PNRC2: variants seen among roughly 807,000 people sequenced by gnomAD.
PNRC2 encodes the protein proline-rich nuclear receptor coactivator 2.
Under a neutral mutation model 12.2 loss-of-function variants are expected in PNRC2, and 2 were observed. The ratio of observed to expected loss-of-function variants is 0.16; its 90% CI spans 0.07 to 0.52. PNRC2 has a LOEUF of 0.52. Ranked by LOEUF, PNRC2 falls within the 20% of genes least tolerant of loss-of-function variation. PNRC2 has a pLI of 0.95. For missense variants in PNRC2, 115 were observed against 158.4 expected (o/e 0.73, Z 1.47); for synonymous variants, 44 against 53.9 (o/e 0.82, Z 0.80).
upstream of PNRC2, among the ~76,000 whole-genome samples, chr1:23,959,522 G>A (rs1641236438): frequency 6.6e-6 from 1 of 151,986 alleles, no homozygotes. Context: ...GCGAGCCCGC[G>A]CGCACGAGAG....
chr1:23,960,366 C>T (rs1221211276), intron 1 of PNRC2, among the ~76,000 whole-genome samples: 1 of 152,210 alleles, frequency 6.6e-6, no homozygotes, highest in African/African-American at 2.4e-5. Flanking sequence ...GAAAGTTAAG[C>T]TGTTCCCTCT....
At chr1:23,959,231 C>G (rs1039740545), upstream of PNRC2, 3 of 152,220 alleles carry the variant, frequency 2.0e-5, no homozygotes, top group Non-Finnish European at 4.4e-5. Context: ...GTGTCTGAAC[C>G]GCCTTCACAG....
intron 2 of PNRC2, 129 bp from the exon 3 acceptor site, chr1:23,961,311 C>CTA: frequency 1.6e-6 from 1 of 606,296 alleles, no homozygotes; most frequent in Non-Finnish European, 2.7e-6. Context: ...TTTAAAGCAG[C>CTA]TGAATAGCCT....
chr1:23,960,395 A>G (rs9424346), intron 1 of PNRC2, among the ~76,000 whole-genome samples: 62,859 of 152,098 alleles, frequency 0.41, 14,304 homozygotes, highest in East Asian at 0.56. Flanking sequence ...ATTTTTATAT[A>G]TTTAAGATGG....
chr1:23,960,065 A>C (rs987465734), intron 1 of PNRC2, 67 bp downstream of exon 1: 2 of 152,286 alleles, frequency 1.3e-5, no homozygotes, highest in African/African-American at 2.4e-5. Flanking sequence ...TGGAGGAAGG[A>C]GGCGAGCGGA....
rs1369792908 is a variant in PNRC2 at position 23,961,645 on chromosome 1, G to A, written c.188G>A (p.Gly63Glu). The A allele has an allele frequency of 1.2e-6, 2 of 1,613,764 alleles. No homozygotes were observed. The highest frequency in any genetic ancestry group is 2.2e-5 in the East Asian group (1 of 44,900). The change falls in exon 3 of 3, where the codon GGG (glycine) becomes GAG (glutamate). Residue 63 changes from glycine to glutamate, a missense_variant. By Grantham distance (98) the Gly-to-Glu change is moderately conservative (BLOSUM62 -2). Transcript: ENST00000334351. ...AAAWQAMQNG[G>E]KNKNFPNNQS... ...GCCTGGCAGGCCATGCAAAATGGGGGGAAGAACAAAAATTTTCCAAATAAT... is the reference window on the plus strand; with the variant it reads ...GCCTGGCAGGCCATGCAAAATGGGGAGAAGAACAAAAATTTTCCAAATAAT...
rs1213414377 is a variant in PNRC2 at position 23,962,138 on chromosome 1, T to C, written c.*261T>C. The stretch of plus-strand genomic sequence containing the variant: ...GGGAGTGGTAAAGGAATCAGCTTTT[T>C]CTATTGTTAGGGGAAGACAGTAATT... On this transcript the variant is annotated 3_prime_UTR_variant, in exon 3 of 3. Coordinates refer to ENST00000334351, the MANE Select transcript of PNRC2 (RefSeq NM_017761.4). 2.5e-5 allele frequency: 8 copies of C among 320,378 alleles called. No homozygotes were observed. The highest frequency in any genetic ancestry group is 1.4e-4 in the Admixed American group (3 of 21,830). 19.8% of individuals were successfully genotyped at this position (320,378 alleles called of 1,614,324 possible). A position where few individuals can be genotyped will look rare whatever the true frequency, so the allele number is the denominator to read the frequency against.
intron 1 of PNRC2, among the ~76,000 whole-genome samples, 175 bp downstream of exon 1, chr1:23,960,173 A>G (rs2148487263): frequency 6.6e-6 from 1 of 152,326 alleles, no homozygotes; most frequent in East Asian, 1.9e-4. Flanking sequence ...CTGGGAAGCC[A>G]AGCCCTTGTG....
rs1641277852 is a variant in PNRC2, at chr1:23,961,613, A to T, written c.156A>T (p.Ser52=). The change falls in exon 3 of 3, where the codon TCA becomes TCT. Residue 52 remains serine (S), a synonymous_variant. Transcript: ENST00000334351. ...AAAGAGGACATGGTTATAACTCATC[A>T]GCAGCTGCCTGGCAGGCCATGCAAA... The part of the protein sequence containing the change: ...KKERGHGYNS[S]AAAWQAMQNG... 10 of 1,613,874 alleles carry T rather than the reference A, an allele frequency of 6.2e-6. No individual in the cohort carries two copies. The East Asian group carries it at 2.2e-4, about 36-fold the overall frequency.
At position 23,961,622 on chromosome 1, in the gene PNRC2, C is replaced by A; in HGVS notation, c.165C>A (p.Ala55=). 1 of 1,613,880 alleles carries A rather than the reference C, an allele frequency of 6.2e-7. No individual in the cohort carries two copies. The highest frequency in any genetic ancestry group is 2.2e-5 in the East Asian group (1 of 44,882). ...RGHGYNSSAA[A]WQAMQNGGKN... ...ATGGTTATAACTCATCAGCAGCTGC[C>A]TGGCAGGCCATGCAAAATGGGGGGA... Residue 55 remains alanine, a synonymous_variant, in exon 3 of 3, where the codon GCC becomes GCA. Coordinates refer to ENST00000334351, the MANE Select transcript of PNRC2 (RefSeq NM_017761.4).
At chr1:23,960,327 C>A (rs1173868555) in intron 1 of PNRC2, among the ~76,000 whole-genome samples, 1 of 152,212 alleles carries the variant, frequency 6.6e-6, no homozygotes, top group Non-Finnish European at 1.5e-5. Context: ...AACTTATTTT[C>A]TTGGAACATC....
In PNRC2 at chr1:23,962,173, T is replaced by G. The variant is rs1162469945; in HGVS notation, c.*296T>G. The G allele has an allele frequency of 4.0e-6, 1 of 252,408 alleles. No individual in the cohort carries two copies. Among genetic ancestry groups the G allele is most frequent in the East Asian group, 9.0e-5 (1 of 11,138 alleles). 15.6% of individuals were successfully genotyped at this position (252,408 alleles called of 1,614,324 possible). ...GGGGAAGACAGTAATTTATCATTCA[T>G]GGACCAGTAGATTGTTGAAAGTTGG... On this transcript the variant is annotated 3_prime_UTR_variant, in exon 3 of 3. Coordinates refer to ENST00000334351, the MANE Select transcript of PNRC2 (RefSeq NM_017761.4).
At position 23,961,898 on chromosome 1, in the gene PNRC2, T is replaced by G. The variant is rs1641285432; in HGVS notation, c.*21T>G. The G allele has an allele frequency of 6.8e-7, 1 of 1,460,320 alleles. No individual in the cohort carries two copies. Among genetic ancestry groups the G allele is most frequent in the Non-Finnish European group, 9.4e-7 (1 of 1,069,010 alleles). 90.5% of individuals were successfully genotyped at this position (1,460,320 alleles called of 1,614,324 possible). A position where few individuals can be genotyped will look rare whatever the true frequency, so the allele number is the denominator to read the frequency against. ...TATAAAATAAGACAAATGTTTAAAT[T>G]TAGTTATGTTCACGGATAGTTGTCA... On this transcript the variant is annotated 3_prime_UTR_variant, in exon 3 of 3. Transcript: ENST00000334351.
chr1:23,961,973 A>G lies in PNRC2; in HGVS notation c.*96A>G. On this transcript the variant is annotated 3_prime_UTR_variant, in exon 3 of 3. Transcript: ENST00000334351. ...GGAATCTATTTGTGTAGAACTAATT[A>G]ATGTAAAAAAAATAGACCATCTCGT... is the stretch of plus-strand genomic sequence containing the variant. The G allele has an allele frequency of 4.2e-6, 3 of 722,586 alleles. No individual in the cohort carries two copies. The South Asian group carries it at 5.7e-5, about 14-fold the overall frequency. 44.8% of individuals were successfully genotyped at this position (722,586 alleles called of 1,614,324 possible).
Position 23,959,945 on chromosome 1 carries a change from A to C in PNRC2, c.-278A>C, listed in dbSNP as rs1641244374. 6.6e-6 allele frequency: 1 copy of C among 152,170 alleles called. No individual in the cohort carries two copies. The highest frequency in any genetic ancestry group is 1.5e-5 in the Non-Finnish European group (1 of 68,042). 9.4% of individuals were successfully genotyped at this position (152,170 alleles called of 1,614,324 possible). A position where few individuals can be genotyped will look rare whatever the true frequency, so the allele number is the denominator to read the frequency against. On this transcript the variant is annotated 5_prime_UTR_variant, in exon 1 of 3. Transcript: ENST00000334351. ...CTCGTCTCTCCCTGGAAAGGGAGGG[A>C]GGCTTCGACGTCGAGAGGGAGCCGC... is the stretch of plus-strand genomic sequence containing the variant.
rs1641302625 is a variant in PNRC2, at chr1:23,962,604, G to T, written c.*727G>T. The T allele has an allele frequency of 6.0e-6, 1 of 167,000 alleles. No individual in the cohort carries two copies. The highest frequency in any genetic ancestry group is 1.5e-5 in the Non-Finnish European group (1 of 68,088). The allele number at this position is 167,000 out of a possible 1,614,324, so 10.3% of individuals were successfully genotyped here. Reference sequence around the variant, plus strand: ...CCTGCAAAGCTTGCTTTGGGGAGTTGGATAATGTGAAAATTTTAAGTACCT... The same window carrying T: ...CCTGCAAAGCTTGCTTTGGGGAGTTTGATAATGTGAAAATTTTAAGTACCT... On this transcript the variant is annotated 3_prime_UTR_variant, in exon 3 of 3. Coordinates refer to ENST00000334351, the MANE Select transcript of PNRC2 (RefSeq NM_017761.4).
At chr1:23,959,361 G>C (rs1483781736), upstream of PNRC2, 5 of 152,444 alleles carry the variant, frequency 3.3e-5, no homozygotes, top group African/African-American at 1.2e-4. Flanking sequence ...CAGAAGCCGA[G>C]GCCCGAGGCG....
intron 1 of PNRC2, 22 bp from the exon 2 acceptor site, chr1:23,960,903 TAATG>T (rs1457015553): frequency 7.5e-6 from 3 of 398,516 alleles, no homozygotes; most frequent in Non-Finnish European, 8.8e-6. Flanking sequence ...GTTTTTGAAA[TAATG>T]AAGTAATCTT....
Position 23,961,642 on chromosome 1 carries a change from G to T in PNRC2, c.185G>T (p.Gly62Val), listed in dbSNP as rs1038787424. 32 of 1,613,840 alleles carry T rather than the reference G, an allele frequency of 2.0e-5. No individual in the cohort carries two copies. The South Asian group carries it at 2.7e-4, about 14-fold the overall frequency. ...SAAAWQAMQNGGKNKNFPNNQ... is the reference protein window; with the variant it reads ...SAAAWQAMQNVGKNKNFPNNQ... Reference sequence around the variant, plus strand: ...GCTGCCTGGCAGGCCATGCAAAATGGGGGGAAGAACAAAAATTTTCCAAAT... The same window carrying T: ...GCTGCCTGGCAGGCCATGCAAAATGTGGGGAAGAACAAAAATTTTCCAAAT... Residue 62 changes from glycine to valine, a missense_variant, in exon 3 of 3, where the codon GGG (glycine) becomes GTG (valine). Transcript: ENST00000334351.
Sources: gnomAD v4.1 joint callset for allele counts (sites outside exome capture counted in the v4.1 genomes callset) on GRCh38, gnomAD v4.1.1 for gene constraint, MANE v1.5 for transcripts, NCBI Gene and HGNC (gene_info 2026-07-23, HGNC 2026-07-21) for gene names.